Variants in SLC24A2 observed in about 807,000 individuals in gnomAD.
SLC24A2 encodes the protein solute carrier family 24 member 2, also known as sodium/potassium/calcium exchanger 2.
In SLC24A2, 36 loss-of-function variants were observed where a neutral mutation model predicts 62.0. The observed-to-expected ratio is 0.58, with a 90% CI of 0.44 to 0.77. The LOEUF (loss-of-function observed/expected upper bound fraction) is 0.77. Ranked by LOEUF, SLC24A2 falls within the 30% of genes least tolerant of loss-of-function variation. SLC24A2 has a pLI of 0.00. For missense variants in SLC24A2, 846 were observed against 817.9 expected (o/e 1.03, Z -0.42); for synonymous variants, 358 against 294.0 (o/e 1.22, Z -2.23).
the SLC24A2 span, among the ~76,000 whole-genome samples, chr9:20,266,736 T>C: frequency 1.3e-5 from 2 of 152,204 alleles, no homozygotes; most frequent in Non-Finnish European, 2.9e-5. Context: ...TCCTTGGAGA[T>C]TCACGGTGCA....
chr9:19,745,125 G>C (rs1821794854), intron 2 of SLC24A2, among the ~76,000 whole-genome samples: 1 of 152,080 alleles, frequency 6.6e-6, no homozygotes, highest in Non-Finnish European at 1.5e-5. Flanking sequence ...GTTCATGTGA[G>C]ATCTGGTCAT....
At chr9:19,805,191 T>C in the SLC24A2 span, among the ~76,000 whole-genome samples, 157 of 152,254 alleles carry the variant, frequency 1.0e-3, 1 homozygote, top group African/African-American at 3.6e-3. Flanking sequence ...ATGGAAAATA[T>C]TGACACATTT....
the SLC24A2 span, among the ~76,000 whole-genome samples, chr9:20,198,297 CTT>C: frequency 1.3e-5 from 2 of 152,318 alleles, no homozygotes; most frequent in South Asian, 2.1e-4. Context: ...GTTGCTCTGA[CTT>C]TATTCTTTGG....
the SLC24A2 span, among the ~76,000 whole-genome samples, chr9:20,088,132 C>A: frequency 6.6e-6 from 1 of 152,210 alleles, no homozygotes; most frequent in African/African-American, 2.4e-5. Context: ...TCTGGCAAAT[C>A]AGGAGGTTGG....
At chr9:20,042,864 C>A in the SLC24A2 span, among the ~76,000 whole-genome samples, 4 of 152,156 alleles carry the variant, frequency 2.6e-5, no homozygotes, top group African/African-American at 9.7e-5. Context: ...TTTGATGTCA[C>A]TATTTTAATT....
chr9:19,788,441 C>T (rs1485200051), intron 1 of SLC24A2: 4 of 916,274 alleles, frequency 4.4e-6, no homozygotes, highest in African/African-American at 3.6e-5. Context: ...AGAATGTTCG[C>T]CCCCAGCCGC....
the SLC24A2 span, among the ~76,000 whole-genome samples, chr9:19,860,300 T>C: frequency 6.6e-6 from 1 of 152,142 alleles, no homozygotes; most frequent in Non-Finnish European, 1.5e-5. Context: ...TGAGACCCTT[T>C]TTCCAGGCCC....
intron 2 of SLC24A2, among the ~76,000 whole-genome samples, chr9:19,736,668 C>T (rs1821519677): frequency 6.6e-6 from 1 of 151,884 alleles, no homozygotes; most frequent in African/African-American, 2.4e-5. Context: ...GTGAGACCCT[C>T]GTCTCTAAAA....
intron 2 of SLC24A2, among the ~76,000 whole-genome samples, chr9:19,675,549 G>C (rs1000397232): frequency 2.1e-4 from 32 of 152,238 alleles, no homozygotes; most frequent in African/African-American, 7.7e-4. Flanking sequence ...CAGAGGATGA[G>C]GGTATGGATC....
chr9:20,263,515 G>A, the SLC24A2 span, among the ~76,000 whole-genome samples: 13 of 152,206 alleles, frequency 8.5e-5, no homozygotes, highest in South Asian at 2.1e-4. Context: ...CCCCAAAAGC[G>A]TTAAGATTAC....
chr9:19,851,000 TACAC>T, the SLC24A2 span, among the ~76,000 whole-genome samples: 307 of 44,948 alleles, frequency 6.8e-3, 7 homozygotes, highest in African/African-American at 0.014. Flanking sequence ...TATATATATA[TACAC>T]ATACATATAT....
chr9:19,958,179 T>G, the SLC24A2 span: 4 of 152,010 alleles, frequency 2.6e-5, no homozygotes, highest in Admixed American at 6.6e-5. Flanking sequence ...AGTTACAGAC[T>G]CGTGGGGAGG....
At chr9:20,089,122 T>G in the SLC24A2 span, among the ~76,000 whole-genome samples, 1 of 152,050 alleles carries the variant, frequency 6.6e-6, no homozygotes, top group Admixed American at 6.5e-5. Flanking sequence ...GTGGGAGGGG[T>G]GTGTTGTCCT....
the SLC24A2 span, among the ~76,000 whole-genome samples, chr9:20,018,644 C>T: frequency 6.6e-6 from 1 of 152,130 alleles, no homozygotes; most frequent in East Asian, 1.9e-4. Flanking sequence ...TTTCAGATAA[C>T]AGTAACCATA....
intron 4 of SLC24A2, among the ~76,000 whole-genome samples, chr9:19,618,083 G>A (rs1422584747): frequency 6.6e-6 from 1 of 152,230 alleles, no homozygotes; most frequent in Non-Finnish European, 1.5e-5. Context: ...TAAGTTTACA[G>A]AGGTGAAAAT....
At chr9:19,701,965 A>G (rs79526830) in intron 2 of SLC24A2, among the ~76,000 whole-genome samples, 2,686 of 152,322 alleles carry the variant, frequency 0.018, 54 homozygotes, top group East Asian at 0.093. Context: ...GAAAACGATA[A>G]CAAAGTTACA....
the SLC24A2 span, among the ~76,000 whole-genome samples, chr9:20,074,251 G>A: frequency 2.6e-5 from 4 of 151,894 alleles, no homozygotes; most frequent in African/African-American, 9.7e-5. Context: ...ACAAATGATA[G>A]CGTTTTTCCT....
chr9:19,865,954 C>A, the SLC24A2 span, among the ~76,000 whole-genome samples: 1 of 152,078 alleles, frequency 6.6e-6, no homozygotes, highest in Non-Finnish European at 1.5e-5. Flanking sequence ...AGCCATCTGA[C>A]AAGGGAATAA....
chr9:20,305,292 G>A, the SLC24A2 span, among the ~76,000 whole-genome samples: 5 of 151,946 alleles, frequency 3.3e-5, no homozygotes, highest in Non-Finnish European at 7.4e-5. Context: ...ATTTTTAGTA[G>A]AGATGAGGTT....
Sources: gnomAD v4.1 joint callset for allele counts (sites outside exome capture counted in the v4.1 genomes callset) on GRCh38, gnomAD v4.1.1 for gene constraint, MANE v1.5 for transcripts, NCBI Gene and HGNC (gene_info 2026-07-23, HGNC 2026-07-21) for gene names.